ARHGAP23: variants seen among roughly 807,000 people sequenced by gnomAD.
ARHGAP23 encodes the protein Rho GTPase activating protein 23, also known as rho GTPase-activating protein 23.
ARHGAP23 carries 34 observed loss-of-function variants against 136.3 expected under a neutral mutation model. The observed-to-expected ratio is 0.25, with a 90% CI of 0.19 to 0.33. ARHGAP23 has a LOEUF of 0.33. Ranked by LOEUF, ARHGAP23 falls within the 10% of genes least tolerant of loss-of-function variation. The pLI is 1.00. For missense variants in ARHGAP23, 1,808 were observed against 2,139.0 expected (o/e 0.85, Z 3.05); for synonymous variants, 832 against 920.5 (o/e 0.90, Z 1.74).
chr17:38,507,516 G>T (rs889507953), intron 23 of ARHGAP23, among the ~76,000 whole-genome samples: 1 of 152,100 alleles, frequency 6.6e-6, no homozygotes, highest in Admixed American at 6.6e-5. Flanking sequence ...TTAACTCCCT[G>T]ATCTCTCTGT....
At chr17:38,455,509 C>A (rs945522780) in intron 1 of ARHGAP23, among the ~76,000 whole-genome samples, 3 of 152,210 alleles carry the variant, frequency 2.0e-5, no homozygotes, top group Admixed American at 2.0e-4. Context: ...AGCAGCCCCC[C>A]CAGGCAGCTG....
Position 38,466,755 on chromosome 17 carries a change from G to T in ARHGAP23, c.1072G>T (p.Ala358Ser). The T allele has an allele frequency of 1.3e-6, 2 of 1,548,454 alleles. No individual in the cohort carries two copies. Among genetic ancestry groups the T allele is most frequent in the Non-Finnish European group, 1.7e-6 (2 of 1,145,970 alleles). Reference sequence around the variant, plus strand: ...TCGCTCAGATGACTACTTGAGCCGGGCCACCCGTTCTGCCGAGGCACTGGG... The same window carrying T: ...TCGCTCAGATGACTACTTGAGCCGGTCCACCCGTTCTGCCGAGGCACTGGG... ...RARSDDYLSR[A>S]TRSAEALGPG... is the part of the protein sequence containing the mutation. Residue 358 changes from alanine to serine, a missense_variant, in exon 7 of 24, where the codon GCC becomes TCC. By Grantham distance (99) the Ala-to-Ser change is moderately conservative (BLOSUM62 1). This residue lies in a region of ARHGAP23 where 859 missense variants were observed against 936.4 expected (regional missense o/e 0.92). Transcript: ENST00000622683.
chr17:38,448,882 G>A (rs953450344), intron 1 of ARHGAP23, among the ~76,000 whole-genome samples: 10 of 126,404 alleles, frequency 7.9e-5, no homozygotes, highest in Non-Finnish European at 1.1e-4. Context: ...TTTTGAGACC[G>A]GGTCTCACAC....
intron 10 of ARHGAP23, 128 bp downstream of exon 10, chr17:38,470,032 C>A: frequency 1.7e-6 from 2 of 1,196,046 alleles, no homozygotes; most frequent in South Asian, 1.4e-5. Context: ...CTCCTCCCTG[C>A]ACCCCTCACC....
rs2040747167 is a variant in ARHGAP23 at position 38,510,806 on chromosome 17, G to A, written c.4310G>A (p.Arg1437Gln). ...GGGPPEPAGA[R>Q]AHSDNKDSGL... Reference sequence around the variant, plus strand: ...GGCCCCCCGGAGCCTGCGGGCGCGCGGGCGCACAGTGACAACAAGGACTCC... The same window carrying A: ...GGCCCCCCGGAGCCTGCGGGCGCGCAGGCGCACAGTGACAACAAGGACTCC... The change falls in exon 24 of 24, where the codon CGG becomes CAG. Residue 1437 changes from arginine (R) to glutamine (Q), a missense_variant. Physicochemically the swap from Arg to Gln is conservative, Grantham distance 43. This residue lies in a region of ARHGAP23 where 506 missense variants were observed against 455.8 expected (regional missense o/e 1.11). Transcript: ENST00000622683. This position sits in a 1 kb window ranked among gnomAD's most constrained non-coding sequence, Gnocchi z 4.6. 1.3e-6 allele frequency: 2 copies of A among 1,504,616 alleles called. No individual in the cohort carries two copies. The highest frequency in any genetic ancestry group is 1.5e-5 in the African/African-American group (1 of 68,818). The allele number at this position is 1,504,616 out of a possible 1,614,324, so 93.2% of individuals were successfully genotyped here. A position where few individuals can be genotyped will look rare whatever the true frequency, so the allele number is the denominator to read the frequency against.
chr17:38,453,216 T>C (rs2039221971), intron 1 of ARHGAP23, among the ~76,000 whole-genome samples: 1 of 151,940 alleles, frequency 6.6e-6, no homozygotes, highest in South Asian at 2.1e-4. Context: ...GGTGTGTGTA[T>C]ACGATGTGGA....
At chr17:38,500,283 G>A (rs144850515) in intron 22 of ARHGAP23, 23 of 430,494 alleles carry the variant, frequency 5.3e-5, no homozygotes, top group Non-Finnish European at 9.2e-5. Context: ...GGACGGGCGG[G>A]GAAGGGGAGA....
chr17:38,438,146 C>T (rs1325620009), intron 1 of ARHGAP23, among the ~76,000 whole-genome samples: 3 of 152,072 alleles, frequency 2.0e-5, no homozygotes, highest in African/African-American at 7.2e-5. Context: ...CATGGTGAAA[C>T]CCCATCTCTA....
chr17:38,476,091 A>G (rs2039886341), intron 11 of ARHGAP23, among the ~76,000 whole-genome samples: 1 of 152,234 alleles, frequency 6.6e-6, no homozygotes, highest in African/African-American at 2.4e-5. Flanking sequence ...AAAGGCAGGG[A>G]CAGACCACAG....
intron 7 of ARHGAP23, among the ~76,000 whole-genome samples, chr17:38,468,811 CAT>C (rs1320069019): frequency 1.3e-5 from 2 of 152,104 alleles, no homozygotes; most frequent in East Asian, 1.9e-4. Flanking sequence ...AGAGGGGAGA[CAT>C]AATTCATTCT....
At chr17:38,508,842 C>T (rs2040690729) in intron 23 of ARHGAP23, among the ~76,000 whole-genome samples, 3 of 151,982 alleles carry the variant, frequency 2.0e-5, no homozygotes, top group African/African-American at 7.3e-5. Flanking sequence ...TTTTAAGAGC[C>T]TACAGACACC....
intron 11 of ARHGAP23, among the ~76,000 whole-genome samples, chr17:38,472,502 C>T (rs1274255658): frequency 2.7e-5 from 4 of 150,404 alleles, no homozygotes; most frequent in African/African-American, 1.0e-4. Flanking sequence ...AGGGAGGGGC[C>T]ATGCTGGAGG....
rs377050049 is a variant in ARHGAP23, at chr17:38,494,654, CTT to C, written c.3276+3124_3276+3125del. Among the ~76,000 whole-genome samples, 318 of 152,350 alleles carry C rather than the reference CTT, an allele frequency of 2.1e-3. 3 individuals are homozygous for C. The highest frequency in any genetic ancestry group is 0.016 in the South Asian group (78 of 4,830). Reference sequence around the variant, plus strand: ...GTTTATCAAAGTAAGAGCTGCGTCTCTTTGTGCTCTGGGCTATGCCCAAGGAA... The same window carrying C: ...GTTTATCAAAGTAAGAGCTGCGTCTCTGTGCTCTGGGCTATGCCCAAGGAA... On this transcript the variant is annotated intron_variant, in intron 20 of 23. Transcript: ENST00000622683.
At chr17:38,445,591 T>G (rs2039014862) in intron 1 of ARHGAP23, among the ~76,000 whole-genome samples, 1 of 152,108 alleles carries the variant, frequency 6.6e-6, no homozygotes, top group African/African-American at 2.4e-5. Context: ...AGTGGTGATA[T>G]TCCACTATCA....
chr17:38,421,572 AGCC>A (rs1184501579), intron 1 of ARHGAP23, among the ~76,000 whole-genome samples: 1 of 152,302 alleles, frequency 6.6e-6, no homozygotes, highest in East Asian at 1.9e-4. Flanking sequence ...ATAGTGCGTG[AGCC>A]GCCGATGTGT....
chr17:38,422,634 G>T (rs1483434588), intron 1 of ARHGAP23, among the ~76,000 whole-genome samples: 1 of 152,172 alleles, frequency 6.6e-6, no homozygotes, highest in Non-Finnish European at 1.5e-5. Context: ...TGCCAGCTCA[G>T]ACAAGATGCA....
chr17:38,459,368 G>A (rs542042554), intron 2 of ARHGAP23, among the ~76,000 whole-genome samples: 4 of 152,336 alleles, frequency 2.6e-5, no homozygotes, highest in African/African-American at 9.6e-5. Context: ...ACATGTAACT[G>A]TGCAGCTCTC....
intron 1 of ARHGAP23, among the ~76,000 whole-genome samples, chr17:38,453,305 ATG>A (rs575999595): frequency 7.3e-4 from 110 of 149,662 alleles, no homozygotes; most frequent in African/African-American, 2.6e-3. Context: ...GGGCAGGTGG[ATG>A]TGTGTGGTGC....
In ARHGAP23 at chr17:38,477,614, G is replaced by T. The variant is rs566080484; in HGVS notation, c.2154G>T (p.Val718=). 1.6e-4 allele frequency: 211 copies of T among 1,281,438 alleles called. No homozygotes were observed. The African/African-American group carries it at 3.2e-3, about 20-fold the overall frequency. 79.4% of individuals were successfully genotyped at this position (1,281,438 alleles called of 1,614,324 possible). ...AGSGLRQWKR[V]YAALRARSLS... Reference sequence around the variant, plus strand: ...GCGGCCTGCGCCAGTGGAAGCGGGTGTACGCCGCGCTGCGGGCGCGCTCGC... The same window carrying T: ...GCGGCCTGCGCCAGTGGAAGCGGGTTTACGCCGCGCTGCGGGCGCGCTCGC... The change falls in exon 12 of 24, where the codon GTG becomes GTT. Residue 718 remains valine (V), a synonymous_variant. Coordinates refer to ENST00000622683, the MANE Select transcript of ARHGAP23 (RefSeq NM_001199417.2). The surrounding 1 kb of genome is among the most constrained non-coding windows in gnomAD (Gnocchi z 6.6).
Sources: allele counts gnomAD v4.1 joint callset (sites outside exome capture counted in the v4.1 genomes callset), GRCh38; gene constraint gnomAD v4.1.1; regional missense constraint gnomAD v4.1.1; non-coding constraint Gnocchi (gnomAD v3.1); transcripts MANE v1.5; gene names NCBI Gene and HGNC (gene_info 2026-07-23, HGNC 2026-07-21).